CYP2D6: variants seen among roughly 807,000 people sequenced by gnomAD.
The protein encoded by CYP2D6 is cytochrome P450 2D6.
Under a neutral mutation model 43.5 loss-of-function variants are expected in CYP2D6, and 51 were observed. The ratio of observed to expected loss-of-function variants is 1.17; its 90% CI spans 0.94 to 1.48. The LOEUF is 1.48. CYP2D6 is among the 40% of genes most tolerant of loss of function. The probability of loss-of-function intolerance (pLI) is 0.00; values close to 1 mark genes in which losing one functional copy is unlikely to be tolerated. For synonymous variants in CYP2D6, 346 were observed against 297.1 expected, an observed-to-expected ratio of 1.16 and a Z score of -1.69; for missense variants, 698 against 688.0, an observed-to-expected ratio of 1.01 and a Z score of -0.16.
At chr22:42,129,577 A>C (rs1413093668) in intron 2 of CYP2D6, among the ~76,000 whole-genome samples, 161 bp downstream of exon 2, 1 of 150,552 alleles carries the variant, frequency 6.6e-6, no homozygotes, top group East Asian at 1.9e-4. Flanking sequence ...CCTCGTCCCC[A>C]TGCTCACACC....
chr22:42,128,147 G>A, intron 5 of CYP2D6, 27 bp downstream of exon 5: 2 of 1,590,688 alleles, frequency 1.3e-6, no homozygotes, highest in Non-Finnish European at 1.7e-6. Flanking sequence ...CACCACCCTT[G>A]CCCCCCACCG....
rs568495591 is a variant in CYP2D6, at chr22:42,126,605, G to A, written c.1463C>T (p.Ser488Phe). The A allele has an allele frequency of 2.0e-4, 315 of 1,606,532 alleles. 10 individuals carry two copies. In the South Asian group the frequency reaches 2.7e-3, roughly 14 times the overall value. The change falls in exon 9 of 9, where the codon TCC becomes TTC. Residue 488 changes from serine (S) to phenylalanine (F), a missense_variant. Ser to Phe is a radical substitution (Grantham distance 155). Around this residue, in one of 5 missense-constraint regions of CYP2D6, gnomAD observed 85 missense variants for 81.2 expected, o/e 1.05. Transcript: ENST00000645361. ...HGVFAFLVSP[S>F]PYELCAVPR ...GGGCACAGCACAAAGCTCATAGGGG[G>A]ATGGGCTCACCAGGAAAGCAAAGAC...
At chr22:42,128,383 C>T (rs1427333231) in intron 4 of CYP2D6, 33 bp from the exon 5 acceptor site, 6 of 1,603,718 alleles carry the variant, frequency 3.7e-6, no homozygotes, top group East Asian at 2.2e-5. Context: ...TCAATCCCTC[C>T]TGTGCTCTGC....
chr22:42,129,192 G>C lies in CYP2D6; in HGVS notation c.353-7C>G. The C allele has an allele frequency of 6.2e-7, 1 of 1,602,494 alleles. No homozygotes were observed. Among genetic ancestry groups the C allele is most frequent in the South Asian group, 1.1e-5 (1 of 90,826 alleles). The stretch of plus-strand genomic sequence containing the variant: ...TAGCGCGCCAGGAACACCCCTGGGG[G>C]TGGGACGGGCACGTGCGCGTGGCCA... On this transcript the variant is annotated splice_region_variant and splice_polypyrimidine_tract_variant and intron_variant, in intron 2 of 8. Transcript: ENST00000645361.
rs776272236 is a variant in CYP2D6, at chr22:42,128,853, G to A, written c.597C>T (p.Asp199=). 1.9e-6 allele frequency: 3 copies of A among 1,605,774 alleles called. No individual in the cohort carries two copies. The highest frequency in any genetic ancestry group is 2.6e-6 in the Non-Finnish European group (3 of 1,175,616). ...LTCGRRFEYD[D]PRFLRLLDLA... is the part of the protein sequence containing the mutation. ...GGTCCAGCAGCCTGAGGAAGCGAGG[G>A]TCGTCGTACTCGAAGCGGCGCCCGC... is the stretch of plus-strand genomic sequence containing the variant. The change falls in exon 4 of 9, where the codon GAC becomes GAT. Residue 199 remains aspartate, a synonymous_variant. Coordinates refer to ENST00000645361, the MANE Select transcript of CYP2D6 (RefSeq NM_000106.6).
At position 42,127,057 on chromosome 22, in the gene CYP2D6, AAC is replaced by A. The variant is rs1191986445; in HGVS notation, c.1174-67_1174-66del. 4.0e-5 allele frequency: 62 copies of A among 1,536,108 alleles called. 1 individual carries two copies. The highest frequency in any genetic ancestry group is 1.9e-4 in the Middle Eastern group (1 of 5,258). On this transcript the variant is annotated intron_variant, in intron 7 of 8. Coordinates refer to ENST00000645361, the MANE Select transcript of CYP2D6 (RefSeq NM_000106.6). ...TAGGATGCTGGGACCCCTGCCACCA[AAC>A]ACACGGGGGACACACACTGCCTGGC... is the stretch of plus-strand genomic sequence containing the variant.
At chr22:42,129,402 G>A (rs1252386622) in intron 2 of CYP2D6, 2 of 814,752 alleles carry the variant, frequency 2.5e-6, no homozygotes, top group Admixed American at 2.0e-5. Context: ...TTGCACTCAG[G>A]GAAGACCCCG....
At chr22:42,129,682 G>A (rs1404674209) in intron 2 of CYP2D6, 56 bp downstream of exon 2, 15 of 1,599,714 alleles carry the variant, frequency 9.4e-6, no homozygotes, top group East Asian at 2.2e-5. Flanking sequence ...CTCGGACTAC[G>A]GTCATCACCC....
Position 42,126,540 on chromosome 22 carries a change from G to C in CYP2D6, c.*34C>G. ...GCTTTATTGTACATTAGAGCCTCTG[G>C]CTAGGGAGCAGGCTGGGGACTAGGT... On this transcript the variant is annotated 3_prime_UTR_variant, in exon 9 of 9. Coordinates refer to ENST00000645361, the MANE Select transcript of CYP2D6 (RefSeq NM_000106.6). 1 of 1,533,118 alleles carries C rather than the reference G, an allele frequency of 6.5e-7. No individual in the cohort carries two copies. The highest frequency in any genetic ancestry group is 8.8e-7 in the Non-Finnish European group (1 of 1,138,760). 95.0% of individuals were successfully genotyped at this position (1,533,118 alleles called of 1,614,324 possible). A position where few individuals can be genotyped will look rare whatever the true frequency, so the allele number is the denominator to read the frequency against.
At chr22:42,128,137 C>T (rs1931252656) in intron 5 of CYP2D6, 37 bp downstream of exon 5, 3 of 1,587,128 alleles carry the variant, frequency 1.9e-6, no homozygotes, top group Non-Finnish European at 2.6e-6. Context: ...ACGCTCAACC[C>T]ACCACCCTTG....
rs78139609 is a variant in CYP2D6, at chr22:42,127,384, G to T, written c.1173+63C>A. 2.4e-5 allele frequency: 33 copies of T among 1,367,482 alleles called. 1 individual carries two copies. In the African/African-American group the frequency reaches 4.1e-4, roughly 17 times the overall value. 84.7% of individuals were successfully genotyped at this position (1,367,482 alleles called of 1,614,324 possible). On this transcript the variant is annotated intron_variant, in intron 7 of 8. Transcript: ENST00000645361. ...CCTAGAGTGGGCCCACCTGGCAGTA[G>T]CCATGCTGGGGCTATCACCAGGTGC...
At position 42,127,548 on chromosome 22, in the gene CYP2D6, C is replaced by A. The variant is rs1355869917; in HGVS notation, c.1072G>T (p.Ala358Ser). ...GDQAHMPYTT[A>S]VIHEVQRFGD... ...AAGCGCTGCACCTCATGAATCACGG[C>A]AGTGGTGTAGGGCATGTGAGCCTGG... is the stretch of plus-strand genomic sequence containing the variant. Residue 358 changes from alanine to serine, a missense_variant, in exon 7 of 9, where the codon GCC becomes TCC. Ala to Ser is a moderately conservative substitution (Grantham distance 99). Around this residue, in one of 5 missense-constraint regions of CYP2D6, gnomAD observed 588 missense variants for 521.1 expected, o/e 1.13. Coordinates refer to ENST00000645361, the MANE Select transcript of CYP2D6 (RefSeq NM_000106.6). 6.2e-7 allele frequency: 1 copy of A among 1,612,222 alleles called. No individual in the cohort carries two copies. Among genetic ancestry groups the A allele is most frequent in the South Asian group, 1.1e-5 (1 of 90,964 alleles).
At chr22:42,129,466 C>A (rs369741816) in intron 2 of CYP2D6, 1 of 727,454 alleles carries the variant, frequency 1.4e-6, no homozygotes. Context: ...TCCCCGCCCC[C>A]CACTTCGACA....
Position 42,126,864 on chromosome 22 carries a change from C to G in CYP2D6, c.1302G>C (p.Leu434=). The G allele has an allele frequency of 1.3e-6, 2 of 1,551,322 alleles. No individual in the cohort carries two copies. Among genetic ancestry groups the G allele is most frequent in the Non-Finnish European group, 1.7e-6 (2 of 1,146,828 alleles). Residue 434 remains leucine (L), a synonymous_variant, in exon 8 of 9, where the codon CTG becomes CTC. Transcript: ENST00000645361. ...QGHFVKPEAF[L]PFSAGRRACL... is the part of the protein sequence containing the mutation. ...CCCCACAGGCACCTGCTGAGAAAGGCAGGAAGGCCTCCGGCTTCACAAAGT... is the reference window on the plus strand; with the variant it reads ...CCCCACAGGCACCTGCTGAGAAAGGGAGGAAGGCCTCCGGCTTCACAAAGT...
chr22:42,129,637 T>C (rs1931697123), intron 2 of CYP2D6, 101 bp downstream of exon 2: 2 of 1,503,130 alleles, frequency 1.3e-6, no homozygotes, highest in African/African-American at 1.4e-5. Flanking sequence ...CGCTGGCCTG[T>C]TTCATGTCCA....
At chr22:42,128,431 G>A (rs1054494911) in intron 4 of CYP2D6, 81 bp from the exon 5 acceptor site, 1 of 1,507,822 alleles carries the variant, frequency 6.6e-7, no homozygotes, top group East Asian at 2.3e-5. Context: ...GCCATCTCCA[G>A]GTAGACCCAG....
Position 42,127,932 on chromosome 22 carries a change from C to T in CYP2D6, c.895G>A (p.Val299Met). ...SFNDENLRIV[V>M]ADLFSAGMVT... ...ATCCCGGCAGAGAACAGGTCAGCCA[C>T]CACTATGCGCAGGTTCTCATCATTG... The change falls in exon 6 of 9, where the codon GTG becomes ATG. Residue 299 changes from valine (V) to methionine (M), a missense_variant. This residue lies in a region of CYP2D6 where 588 missense variants were observed against 521.1 expected (regional missense o/e 1.13). Coordinates refer to ENST00000645361, the MANE Select transcript of CYP2D6 (RefSeq NM_000106.6). 6 of 1,611,304 alleles carry T rather than the reference C, an allele frequency of 3.7e-6. 1 individual carries two copies. In the South Asian group the frequency reaches 4.4e-5, roughly 12 times the overall value.
rs766507177 is a variant in CYP2D6 at position 42,126,635 on chromosome 22, T to G, written c.1433A>C (p.His478Pro). The change falls in exon 9 of 9, where the codon CAT becomes CCT. Residue 478 changes from histidine (H) to proline (P), a missense_variant. His to Pro is a moderately conservative substitution (Grantham distance 77, BLOSUM62 -2). Coordinates refer to ENST00000645361, the MANE Select transcript of CYP2D6 (RefSeq NM_000106.6). ...VPTGQPRPSH[H>P]GVFAFLVSPS... ...GCTCACCAGGAAAGCAAAGACACCA[T>G]GGTGGCTGGGCCGGGGCTGTCCAGT... The G allele has an allele frequency of 6.2e-7, 1 of 1,609,062 alleles. No homozygotes were observed. Among genetic ancestry groups the G allele is most frequent in the South Asian group, 1.1e-5 (1 of 90,666 alleles).
rs1931404092 is a variant in CYP2D6 at position 42,128,671 on chromosome 22, A to T, written c.666+113T>A. On this transcript the variant is annotated intron_variant, in intron 4 of 8. Coordinates refer to ENST00000645361, the MANE Select transcript of CYP2D6 (RefSeq NM_000106.6). Reference sequence around the variant, plus strand: ...CCTTCTTACAGTGGGGTCTCCTGGAATGTCCTTTCCCAAACCCATCTATGC... The same window carrying T: ...CCTTCTTACAGTGGGGTCTCCTGGATTGTCCTTTCCCAAACCCATCTATGC... The T allele has an allele frequency of 7.1e-6, 9 of 1,272,042 alleles. 1 individual carries two copies. The East Asian group carries it at 2.2e-4, about 32-fold the overall frequency. 78.8% of individuals were successfully genotyped at this position (1,272,042 alleles called of 1,614,324 possible). A position where few individuals can be genotyped will look rare whatever the true frequency, so the allele number is the denominator to read the frequency against.
Sources: allele counts gnomAD v4.1 joint callset (sites outside exome capture counted in the v4.1 genomes callset), GRCh38; gene constraint gnomAD v4.1.1; regional missense constraint gnomAD v4.1.1; transcripts MANE v1.5; gene names NCBI Gene and HGNC (gene_info 2026-07-23, HGNC 2026-07-21).